POLR3B: variants seen among roughly 807,000 people sequenced by gnomAD.
POLR3B encodes the protein RNA polymerase III subunit B, also known as DNA-directed RNA polymerase III subunit RPC2.
POLR3B carries 96 observed loss-of-function variants against 147.4 expected under a neutral mutation model. The ratio of observed to expected loss-of-function variants is 0.65; its 90% CI spans 0.55 to 0.77. POLR3B has a LOEUF of 0.77. POLR3B is among the 30% of genes least tolerant of loss of function. The pLI is 0.00. For missense variants in POLR3B, 1,036 were observed against 1,413.5 expected, an observed-to-expected ratio of 0.73 and a Z score of 4.28; for synonymous variants, 461 against 485.9, an observed-to-expected ratio of 0.95 and a Z score of 0.67.
At chr12:106,409,346 G>GTTTTTTTTTTTTTTTTTTTT (rs138257827) in intron 11 of POLR3B, among the ~76,000 whole-genome samples, 1 of 67,474 alleles carries the variant, frequency 1.5e-5, no homozygotes, top group African/African-American at 8.1e-5. Flanking sequence ...TTGTAAGAGG[G>GTTTTTTTTTTTTTTTTTTTT]TTTTTTTTGT....
chr12:106,385,322 A>G (rs1004216786), intron 9 of POLR3B, among the ~76,000 whole-genome samples: 2 of 152,214 alleles, frequency 1.3e-5, no homozygotes, highest in African/African-American at 4.8e-5. Flanking sequence ...CCGATTGTAT[A>G]TAGGTATAAA....
chr12:106,422,820 A>T (rs1173580065), intron 12 of POLR3B, among the ~76,000 whole-genome samples: 1 of 152,072 alleles, frequency 6.6e-6, no homozygotes, highest in African/African-American at 2.4e-5. Context: ...TTTTGGAATT[A>T]TTTTGTCAAT....
intron 23 of POLR3B, among the ~76,000 whole-genome samples, chr12:106,465,471 T>TA (rs1352432795): frequency 6.6e-6 from 1 of 151,778 alleles, no homozygotes; most frequent in Non-Finnish European, 1.5e-5. Flanking sequence ...CCACTAAACT[T>TA]TTTTTTTGTT....
In POLR3B at chr12:106,398,944, A is replaced by T. The variant is rs1381985294; in HGVS notation, c.846+5791A>T. Among the ~76,000 whole-genome samples the T allele has an allele frequency of 3.3e-5, 5 of 152,216 alleles. 1 individual carries two copies. Among genetic ancestry groups the T allele is most frequent in the Non-Finnish European group, 4.4e-5 (3 of 68,032 alleles). On this transcript the variant is annotated intron_variant, in intron 10 of 27. Transcript: ENST00000228347. ...ACAGCACCTCTCCTCCTCCAAAGGA[A>T]CGCAGCTCCTCACCAGCAACAGAAC...
At chr12:106,369,843 G>C (rs574163795) in intron 6 of POLR3B, among the ~76,000 whole-genome samples, 160 bp downstream of exon 6, 9 of 152,262 alleles carry the variant, frequency 5.9e-5, no homozygotes, top group African/African-American at 2.2e-4. Flanking sequence ...GCACATAGTC[G>C]TGGTTGTTAC....
In POLR3B at chr12:106,405,902, G is replaced by A. The variant is rs772152947; in HGVS notation, c.892G>A (p.Gly298Arg). Residue 298 changes from glycine (G) to arginine (R), a missense_variant, in exon 11 of 28, where the codon GGA becomes AGA. Gly to Arg is a moderately radical substitution (Grantham distance 125, BLOSUM62 -2). Coordinates refer to ENST00000228347, the MANE Select transcript of POLR3B (RefSeq NM_018082.6). ...GNKVRRQRMW[G>R]GGPKKTKIEE... Reference sequence around the variant, plus strand: ...CAAAGTAAGAAGGCAAAGGATGTGGGGAGGTGGACCAAAGAAAACCAAAAT... The same window carrying A: ...CAAAGTAAGAAGGCAAAGGATGTGGAGAGGTGGACCAAAGAAAACCAAAAT... The A allele has an allele frequency of 6.2e-7, 1 of 1,612,840 alleles. No homozygotes were observed. The highest frequency in any genetic ancestry group is 1.7e-4 in the Middle Eastern group (1 of 6,052).
intron 8 of POLR3B, among the ~76,000 whole-genome samples, chr12:106,379,184 A>G (rs2136900703): frequency 6.6e-6 from 1 of 152,340 alleles, no homozygotes; most frequent in Middle Eastern, 3.4e-3. Context: ...TACAACTAAC[A>G]GGCCTTAAGC....
chr12:106,391,951 C>T (rs983336687), intron 9 of POLR3B, among the ~76,000 whole-genome samples: 1 of 152,146 alleles, frequency 6.6e-6, no homozygotes, highest in Non-Finnish European at 1.5e-5. Context: ...ATAACTTTTC[C>T]CCTCACTTCT....
intron 19 of POLR3B, among the ~76,000 whole-genome samples, chr12:106,454,093 T>C (rs550175656): frequency 6.6e-6 from 1 of 152,324 alleles, no homozygotes; most frequent in African/African-American, 2.4e-5. Context: ...ATATACCTGT[T>C]TATCCATTTT....
intron 23 of POLR3B, among the ~76,000 whole-genome samples, chr12:106,480,210 A>G (rs566548777): frequency 6.6e-6 from 1 of 151,692 alleles, no homozygotes; most frequent in South Asian, 2.1e-4. Context: ...TTCCTCTCCT[A>G]TTTGTTTTAG....
At chr12:106,436,756 C>T (rs374285661) in intron 16 of POLR3B, among the ~76,000 whole-genome samples, 1 of 152,186 alleles carries the variant, frequency 6.6e-6, no homozygotes, top group African/African-American at 2.4e-5. Flanking sequence ...TTTGTGTTGC[C>T]TTTTCATTCA....
chr12:106,369,842 C>T (rs935586643), intron 6 of POLR3B, among the ~76,000 whole-genome samples, 159 bp downstream of exon 6: 7 of 152,128 alleles, frequency 4.6e-5, no homozygotes, highest in Non-Finnish European at 1.0e-4. Flanking sequence ...AGCACATAGT[C>T]GTGGTTGTTA....
Position 106,366,550 on chromosome 12 carries a change from T to G in POLR3B, c.140T>G (p.Phe47Cys). 1 of 1,610,120 alleles carries G rather than the reference T, an allele frequency of 6.2e-7. No individual in the cohort carries two copies. The highest frequency in any genetic ancestry group is 8.5e-7 in the Non-Finnish European group (1 of 1,176,584). Reference protein sequence around the residue: ...KGLVKQHIDSFNYFINVEIKK... With the variant: ...KGLVKQHIDSCNYFINVEIKK... The stretch of plus-strand genomic sequence containing the variant: ...CTTGTGAAACAGCATATAGATTCAT[T>G]TAACTATTTCATTAATGTAGAGGTA... The change falls in exon 3 of 28, where the codon TTT becomes TGT. Residue 47 changes from phenylalanine (F) to cysteine (C), a missense_variant. Physicochemically the swap from Phe to Cys is radical, Grantham distance 205. Transcript: ENST00000228347.
In POLR3B at chr12:106,498,615, C is replaced by T. The variant is rs1446920344; in HGVS notation, c.2984+1697C>T. Reference sequence around the variant, plus strand: ...TGTTTTTTTGAGACAGAGCTTCGCTCTTATTGCCCAGGCTGGAATGCAATG... The same window carrying T: ...TGTTTTTTTGAGACAGAGCTTCGCTTTTATTGCCCAGGCTGGAATGCAATG... On this transcript the variant is annotated intron_variant, in intron 25 of 27. Coordinates refer to ENST00000228347, the MANE Select transcript of POLR3B (RefSeq NM_018082.6). 2.0e-5 allele frequency among the ~76,000 whole-genome samples: 3 copies of T among 150,032 alleles called. No homozygotes were observed. In the East Asian group the frequency reaches 5.8e-4, roughly 29 times the overall value.
At chr12:106,428,998 A>G (rs1443986148) in intron 13 of POLR3B, among the ~76,000 whole-genome samples, 2 of 152,200 alleles carry the variant, frequency 1.3e-5, no homozygotes, top group African/African-American at 4.8e-5. Flanking sequence ...GGGATCCACA[A>G]GAGTCCAAAA....
In POLR3B at chr12:106,405,021, CAA is replaced by C. The variant is rs2037131015; in HGVS notation, c.847-833_847-832del. On this transcript the variant is annotated intron_variant, in intron 10 of 27. Transcript: ENST00000228347. ...CATTGAATTGCTATGATACTTTCAT[CAA>C]AAGTCAACTGACCATTTAGTATGTG... is the stretch of plus-strand genomic sequence containing the variant. Among the ~76,000 whole-genome samples the C allele has an allele frequency of 2.0e-5, 3 of 152,118 alleles. No individual in the cohort carries two copies. The South Asian group carries it at 6.2e-4, about 32-fold the overall frequency.
chr12:106,502,314 A>T (rs971407338), intron 26 of POLR3B, among the ~76,000 whole-genome samples: 1 of 152,130 alleles, frequency 6.6e-6, no homozygotes, highest in Admixed American at 6.5e-5. Flanking sequence ...TTGGAGTCAG[A>T]CAGACAAGGC....
At chr12:106,467,834 G>A (rs1216163309) in intron 23 of POLR3B, among the ~76,000 whole-genome samples, 8 of 152,274 alleles carry the variant, frequency 5.3e-5, no homozygotes, top group African/African-American at 1.7e-4. Context: ...GCTTTTTGAC[G>A]TGCTGCTGGA....
At chr12:106,366,778 G>A in intron 4 of POLR3B, 56 bp downstream of exon 4, 1 of 1,300,850 alleles carries the variant, frequency 7.7e-7, no homozygotes, top group Non-Finnish European at 1.1e-6. Context: ...ATTTTTTAAA[G>A]TGAGTGAAGT....
Sources: gnomAD v4.1 joint callset for allele counts (sites outside exome capture counted in the v4.1 genomes callset) on GRCh38, gnomAD v4.1.1 for gene constraint, MANE v1.5 for transcripts, NCBI Gene and HGNC (gene_info 2026-07-23, HGNC 2026-07-21) for gene names.